ASZ1: variants seen among roughly 807,000 people sequenced by gnomAD.
The protein encoded by ASZ1 is ankyrin repeat, SAM and basic leucine zipper domain containing 1, also known as ankyrin repeat, SAM and basic leucine zipper domain-containing protein 1.
In ASZ1, 67 loss-of-function variants were observed where a neutral mutation model predicts 61.8. The observed-to-expected ratio is 1.08, with a 90% CI of 0.89 to 1.33. The LOEUF (loss-of-function observed/expected upper bound fraction) is 1.33. ASZ1 is among the 40% of genes most tolerant of loss of function. ASZ1 has a pLI of 0.00. For missense variants in ASZ1, 577 were observed against 554.5 expected (o/e 1.04, Z -0.41); for synonymous variants, 193 against 192.7 (o/e 1.00, Z -0.01).
chr7:117,410,238 A>C (rs1323867233), intron 4 of ASZ1, among the ~76,000 whole-genome samples: 1 of 151,710 alleles, frequency 6.6e-6, no homozygotes, highest in African/African-American at 2.4e-5. Context: ...TCTGACTGTC[A>C]CAAGAATTCA....
At chr7:117,403,975 A>G (rs1012222820) in intron 4 of ASZ1, among the ~76,000 whole-genome samples, 2 of 152,168 alleles carry the variant, frequency 1.3e-5, no homozygotes, top group South Asian at 2.1e-4. Context: ...CTAACGCCTG[A>G]CGATCTGAGG....
intron 10 of ASZ1, among the ~76,000 whole-genome samples, chr7:117,371,040 G>C (rs533882867): frequency 6.6e-6 from 1 of 152,006 alleles, no homozygotes; most frequent in Non-Finnish European, 1.5e-5. Flanking sequence ...GGCCCGGCTC[G>C]CCTTGAACTC....
chr7:117,381,147 G>GT, intron 8 of ASZ1, 80 bp from the exon 9 acceptor site: 3 of 1,291,750 alleles, frequency 2.3e-6, no homozygotes, highest in Middle Eastern at 3.8e-4. Context: ...TCATAAGTTA[G>GT]TTACTTGCTT....
At chr7:117,385,652 T>C in intron 5 of ASZ1, 46 bp downstream of exon 5, 1 of 1,438,130 alleles carries the variant, frequency 7.0e-7, no homozygotes, top group Non-Finnish European at 9.7e-7. Flanking sequence ...TGTAGATTAC[T>C]GATAATAACA....
intron 4 of ASZ1, among the ~76,000 whole-genome samples, chr7:117,401,774 AG>A (rs1292307911): frequency 1.3e-5 from 2 of 152,188 alleles, no homozygotes; most frequent in Non-Finnish European, 2.9e-5. Context: ...GAAATGGGCC[AG>A]GGGTTCAGAT....
rs536402559 is a variant in ASZ1 at position 117,389,960 on chromosome 7, G to A, written c.441-4151C>T. ...CCCAATGGGTAGCTCTGACGGATAA[G>A]TGAGAACATGTGGCATTTGGTTTCC... is the stretch of plus-strand genomic sequence containing the variant. On this transcript the variant is annotated intron_variant, in intron 4 of 12. Coordinates refer to ENST00000284629, the MANE Select transcript of ASZ1 (RefSeq NM_130768.3). Among the ~76,000 whole-genome samples the A allele has an allele frequency of 1.8e-4, 27 of 152,280 alleles. No homozygotes were observed. The South Asian group carries it at 3.3e-3, about 19-fold the overall frequency.
intron 12 of ASZ1, among the ~76,000 whole-genome samples, chr7:117,366,833 T>C (rs1795950077): frequency 6.6e-6 from 1 of 152,180 alleles, no homozygotes; most frequent in African/African-American, 2.4e-5. Context: ...TACATTTACA[T>C]GTAAGTAATA....
intron 4 of ASZ1, among the ~76,000 whole-genome samples, chr7:117,411,435 T>C (rs998935625): frequency 4.0e-5 from 6 of 151,826 alleles, no homozygotes; most frequent in African/African-American, 1.4e-4. Flanking sequence ...AACTATAACA[T>C]GCTCACTTTT....
intron 4 of ASZ1, among the ~76,000 whole-genome samples, chr7:117,407,033 G>C (rs1466353051): frequency 6.6e-6 from 1 of 151,836 alleles, no homozygotes; most frequent in East Asian, 1.9e-4. Context: ...AATCAGAACT[G>C]GGAAAAAAGA....
chr7:117,376,189 A>T (rs940770982), intron 10 of ASZ1, among the ~76,000 whole-genome samples: 1 of 152,156 alleles, frequency 6.6e-6, no homozygotes, highest in Non-Finnish European at 1.5e-5. Flanking sequence ...TTTTGGCTTG[A>T]TAAATTAGAA....
intron 4 of ASZ1, among the ~76,000 whole-genome samples, chr7:117,396,956 TA>T (rs1165278096): frequency 1.3e-5 from 2 of 151,596 alleles, no homozygotes; most frequent in African/African-American, 4.8e-5. Context: ...AATCACAACA[TA>T]AAAAATTTTA....
intron 6 of ASZ1, among the ~76,000 whole-genome samples, chr7:117,384,011 T>C (rs1301342440): frequency 6.6e-6 from 1 of 152,068 alleles, no homozygotes; most frequent in Non-Finnish European, 1.5e-5. Flanking sequence ...CTTGGTTTGA[T>C]GATTACATGA....
At chr7:117,426,414 C>A (rs1420583423) in intron 2 of ASZ1, among the ~76,000 whole-genome samples, 1 of 133,770 alleles carries the variant, frequency 7.5e-6, no homozygotes, top group African/African-American at 2.9e-5. Flanking sequence ...CGCTTGAACC[C>A]GAAGGTGGAG....
chr7:117,376,801 C>CA (rs1422736602), intron 10 of ASZ1, among the ~76,000 whole-genome samples: 1 of 151,942 alleles, frequency 6.6e-6, no homozygotes, highest in African/African-American at 2.4e-5. Context: ...TCATAATCTA[C>CA]AAAAAAACCT....
chr7:117,412,143 A>G (rs1274719573), intron 4 of ASZ1, among the ~76,000 whole-genome samples: 1 of 151,446 alleles, frequency 6.6e-6, no homozygotes, highest in African/African-American at 2.4e-5. Context: ...GACATTTACC[A>G]AACTACTTAA....
At chr7:117,366,993 AT>A (rs1160581822) in intron 12 of ASZ1, among the ~76,000 whole-genome samples, 1 of 152,224 alleles carries the variant, frequency 6.6e-6, no homozygotes, top group Non-Finnish European at 1.5e-5. Flanking sequence ...ATAAAATACT[AT>A]CAAAAGATAC....
chr7:117,377,141 T>C (rs1482982719), intron 10 of ASZ1, among the ~76,000 whole-genome samples: 3 of 152,176 alleles, frequency 2.0e-5, no homozygotes. Flanking sequence ...GAAATACCAT[T>C]GGCAATTGTG....
chr7:117,419,992 A>T lies in ASZ1; in HGVS notation c.440+171T>A, dbSNP rs1420126831. The stretch of plus-strand genomic sequence containing the variant: ...AATGTAGAGTTGAAAGACTACTTTC[A>T]TGATATCCCCTTCCTCTGATAATCT... On this transcript the variant is annotated intron_variant, in intron 4 of 12. Coordinates refer to ENST00000284629, the MANE Select transcript of ASZ1 (RefSeq NM_130768.3). 2.6e-5 allele frequency among the ~76,000 whole-genome samples: 4 copies of T among 152,204 alleles called. No homozygotes were observed. In the East Asian group the frequency reaches 7.7e-4, roughly 29 times the overall value.
chr7:117,408,124 C>T (rs1225601217), intron 4 of ASZ1, among the ~76,000 whole-genome samples: 4 of 152,070 alleles, frequency 2.6e-5, no homozygotes, highest in Non-Finnish European at 5.9e-5. Context: ...GCTCAATCTC[C>T]AGTCTCTCTC....
Sources: gnomAD v4.1 joint callset for allele counts (sites outside exome capture counted in the v4.1 genomes callset) on GRCh38, gnomAD v4.1.1 for gene constraint, MANE v1.5 for transcripts, NCBI Gene and HGNC (gene_info 2026-07-23, HGNC 2026-07-21) for gene names.